Variants in FUT8 observed in about 807,000 individuals in gnomAD.
FUT8 encodes the protein alpha-(1,6)-fucosyltransferase.
FUT8 carries 29 observed loss-of-function variants against 71.3 expected under a neutral mutation model. The ratio of observed to expected loss-of-function variants is 0.41; its 90% CI spans 0.30 to 0.55. FUT8 has a LOEUF of 0.55. FUT8 is among the 20% of genes least tolerant of loss of function. The pLI is 0.34. For synonymous variants in FUT8, 254 were observed against 239.3 expected (o/e 1.06, Z -0.57); for missense variants, 544 against 702.1 (o/e 0.77, Z 2.55).
At chr14:65,515,666 G>A (rs569191732) in intron 2 of FUT8, among the ~76,000 whole-genome samples, 4 of 152,232 alleles carry the variant, frequency 2.6e-5, no homozygotes, top group Admixed American at 6.5e-5. Context: ...TTAAATTAGT[G>A]TTATTGTTGA....
chr14:65,522,263 G>T (rs1883132372), intron 2 of FUT8, among the ~76,000 whole-genome samples: 1 of 152,060 alleles, frequency 6.6e-6, no homozygotes, highest in Non-Finnish European at 1.5e-5. Context: ...TTTCTTGTCT[G>T]TTAGACAGAT....
intron 2 of FUT8, among the ~76,000 whole-genome samples, chr14:65,479,238 A>G (rs1299751620): frequency 6.6e-6 from 1 of 152,224 alleles, no homozygotes; most frequent in African/African-American, 2.4e-5. Flanking sequence ...ATATCCATAC[A>G]TGTATGTAAA....
At chr14:65,440,219 G>A (rs2065633245) in intron 1 of FUT8, among the ~76,000 whole-genome samples, 1 of 151,816 alleles carries the variant, frequency 6.6e-6, no homozygotes, top group Non-Finnish European at 1.5e-5. Context: ...GAGAAATGGG[G>A]AGATGTGGTT....
intron 3 of FUT8, among the ~76,000 whole-genome samples, chr14:65,599,713 G>C (rs1424373384): frequency 6.6e-6 from 1 of 152,148 alleles, no homozygotes; most frequent in Admixed American, 6.5e-5. Context: ...AGTAATTGCA[G>C]TGTTATTATC....
chr14:65,660,777 C>T lies in FUT8; in HGVS notation c.598-8466C>T, dbSNP rs544585838. On this transcript the variant is annotated intron_variant, in intron 6 of 10. Coordinates refer to ENST00000673929, the MANE Select transcript of FUT8 (RefSeq NM_001371533.1). The surrounding 1 kb of genome is among the most constrained non-coding windows in gnomAD (Gnocchi z 4.1). ...AAAAGTGAGCATGCTTTTTAATTGC[C>T]TCTTTCATGGTTATTAACTGAGTCT... Among the ~76,000 whole-genome samples, 6 of 152,198 alleles carry T rather than the reference C, an allele frequency of 3.9e-5. No individual in the cohort carries two copies. The South Asian group carries it at 8.3e-4, about 21-fold the overall frequency.
chr14:65,692,064 T>C (rs1460727571), intron 7 of FUT8, among the ~76,000 whole-genome samples: 1 of 151,978 alleles, frequency 6.6e-6, no homozygotes, highest in Non-Finnish European at 1.5e-5. Flanking sequence ...CCCCCCTTTC[T>C]ATTCCACAAA....
chr14:65,441,595 A>C (rs991677144), intron 1 of FUT8, among the ~76,000 whole-genome samples: 7 of 148,938 alleles, frequency 4.7e-5, no homozygotes, highest in Non-Finnish European at 9.0e-5. Context: ...ACACACACAA[A>C]AAAAAAAATT....
intron 1 of FUT8, among the ~76,000 whole-genome samples, chr14:65,420,014 A>G (rs902103463): frequency 3.3e-5 from 5 of 152,334 alleles, no homozygotes; most frequent in African/African-American, 1.2e-4. Context: ...TTTAATTTGT[A>G]AGTAAACAAA....
chr14:65,424,781 T>C (rs1566738705), intron 1 of FUT8, among the ~76,000 whole-genome samples: 1 of 152,078 alleles, frequency 6.6e-6, no homozygotes, highest in African/African-American at 2.4e-5. Flanking sequence ...CATTTCAGCC[T>C]CCCAAGTAGC....
At chr14:65,697,112 A>G (rs1894035647) in intron 7 of FUT8, among the ~76,000 whole-genome samples, 1 of 152,138 alleles carries the variant, frequency 6.6e-6, no homozygotes, top group Non-Finnish European at 1.5e-5. Context: ...TAATGTTTTT[A>G]TTGAAAGCCA....
intron 5 of FUT8, among the ~76,000 whole-genome samples, chr14:65,616,708 A>G (rs147636022): frequency 4.6e-5 from 7 of 152,354 alleles, no homozygotes; most frequent in African/African-American, 1.7e-4. Flanking sequence ...TGGAGTGTGC[A>G]GTTTTGCATT....
intron 2 of FUT8, among the ~76,000 whole-genome samples, chr14:65,539,804 A>G (rs564966120): frequency 1.1e-3 from 173 of 152,348 alleles, no homozygotes; most frequent in African/African-American, 3.8e-3. Context: ...ATAATGAAGC[A>G]TATATGTCTG....
intron 1 of FUT8, among the ~76,000 whole-genome samples, chr14:65,424,543 T>C (rs1023876946): frequency 6.2e-5 from 9 of 145,858 alleles, no homozygotes; most frequent in African/African-American, 1.2e-4. Flanking sequence ...TCTTTTCTTT[T>C]TTTTTTTTTT....
chr14:65,402,735 A>G, the FUT8 span, among the ~76,000 whole-genome samples: 2 of 152,142 alleles, frequency 1.3e-5, no homozygotes, highest in Non-Finnish European at 2.9e-5. Flanking sequence ...CCTGGGCTCA[A>G]ACAATCTCCT....
chr14:65,604,313 G>C (rs1888456439), intron 3 of FUT8, among the ~76,000 whole-genome samples: 1 of 151,818 alleles, frequency 6.6e-6, no homozygotes, highest in African/African-American at 2.4e-5. Context: ...CTATTCATCA[G>C]CGCATGGAAC....
chr14:65,411,354 T>C (rs767743372), upstream of FUT8: 3 of 152,362 alleles, frequency 2.0e-5, no homozygotes, highest in Non-Finnish European at 2.9e-5. Flanking sequence ...GAGTGCTTTT[T>C]GTTTAAAGAG....
At chr14:65,387,042 A>C in the FUT8 span, among the ~76,000 whole-genome samples, 16 of 152,036 alleles carry the variant, frequency 1.1e-4, no homozygotes, top group Admixed American at 9.2e-4. Flanking sequence ...GGGTTTCACC[A>C]TGTTGGTCAG....
chr14:65,412,583 G>T (rs2065148929), upstream of FUT8: 1 of 341,848 alleles, frequency 2.9e-6, no homozygotes, highest in Non-Finnish European at 5.8e-6. Context: ...GCTAGGCGGT[G>T]GATGCTGCTG....
chr14:65,578,327 A>C (rs1456351528), intron 3 of FUT8, among the ~76,000 whole-genome samples: 3 of 152,220 alleles, frequency 2.0e-5, no homozygotes, highest in Non-Finnish European at 4.4e-5. Flanking sequence ...TATAGATGAC[A>C]CATCTGCTAC....
Sources: allele counts gnomAD v4.1 joint callset (sites outside exome capture counted in the v4.1 genomes callset), GRCh38; gene constraint gnomAD v4.1.1; non-coding constraint Gnocchi (gnomAD v3.1); transcripts MANE v1.5; gene names NCBI Gene and HGNC (gene_info 2026-07-23, HGNC 2026-07-21).